TPTE2: variants seen among roughly 807,000 people sequenced by gnomAD.
TPTE2 encodes phosphatidylinositol 3,4,5-trisphosphate 3-phosphatase TPTE2.
Under a neutral mutation model 78.6 loss-of-function variants are expected in TPTE2, and 53 were observed. The observed-to-expected ratio is 0.67, with a 90% CI of 0.54 to 0.85. The LOEUF is 0.85. TPTE2 is among the 40% of genes least tolerant of loss of function. The probability of loss-of-function intolerance (pLI) is 0.00; values close to 1 mark genes in which losing one functional copy is unlikely to be tolerated. For synonymous variants in TPTE2, 175 were observed against 206.2 expected (o/e 0.85, Z 1.30); for missense variants, 461 against 623.0 (o/e 0.74, Z 2.77).
chr13:19,442,893 A>G (rs1877584772), intron 13 of TPTE2, among the ~76,000 whole-genome samples: 1 of 152,194 alleles, frequency 6.6e-6, no homozygotes, highest in South Asian at 2.1e-4. Context: ...GAATTGAGCC[A>G]TAATTTAAAG....
At position 19,451,164 on chromosome 13, in the gene TPTE2, C is replaced by G. The variant is rs757132914; in HGVS notation, c.802+1G>C. 2.5e-6 allele frequency: 4 copies of G among 1,613,324 alleles called. No homozygotes were observed. The highest frequency in any genetic ancestry group is 4.5e-5 in the East Asian group (2 of 44,838). On this transcript the variant is annotated splice_donor_variant, in intron 11 of 19. Coordinates refer to ENST00000400230, the Ensembl canonical transcript of TPTE2. LOFTEE classifies it high-confidence loss of function. ...AGCAAAATATAGAGTAATGTACATA[C>G]TGCATAGATTGTAGACTCGATAGTG...
chr13:19,527,537 A>G (rs1310186491), intron 1 of TPTE2, among the ~76,000 whole-genome samples: 2 of 152,224 alleles, frequency 1.3e-5, no homozygotes, highest in African/African-American at 4.8e-5. Flanking sequence ...TGCAAGTTGG[A>G]TAAACCTTGA....
intron 4 of TPTE2, among the ~76,000 whole-genome samples, chr13:19,477,733 G>A (rs1234565070): frequency 6.6e-6 from 1 of 152,170 alleles, no homozygotes; most frequent in Non-Finnish European, 1.5e-5. Flanking sequence ...ATCTGTTTCA[G>A]TGTTCCCTGA....
At chr13:19,465,750 GTTTGTGTC>G (rs1241476053) in intron 7 of TPTE2, among the ~76,000 whole-genome samples, 186 bp from the exon 11 acceptor site, 1 of 152,130 alleles carries the variant, frequency 6.6e-6, no homozygotes, top group East Asian at 1.9e-4. Context: ...GTGCATGTGT[GTTTGTGTC>G]TGTGTGTTAC....
exon 6 of TPTE2, chr13:19,473,999 A>G: frequency 6.2e-6 from 10 of 1,610,098 alleles, no homozygotes; most frequent in African/African-American, 1.3e-5. Context: ...AAAGGAATAT[A>G]AAGTTTGCTG....
In TPTE2 at chr13:19,462,150, T is replaced by C. The variant is rs150931660; in HGVS notation, c.741+2306A>G. Among the ~76,000 whole-genome samples the C allele has an allele frequency of 2.1e-3, 323 of 152,258 alleles. 3 individuals are homozygous for C. The highest frequency in any genetic ancestry group is 0.016 in the South Asian group (75 of 4,822). ...GGTCATTTTCTGTAGCAACAAAGTT[T>C]GATTCCTTTCTCTTTCTCAGGTGTA... On this transcript the variant is annotated intron_variant, in intron 10 of 19. Transcript: ENST00000400230.
the TPTE2 span, among the ~76,000 whole-genome samples, chr13:19,552,165 T>C: frequency 3.9e-5 from 6 of 152,228 alleles, no homozygotes; most frequent in Non-Finnish European, 8.8e-5. Context: ...AATGGTTTTA[T>C]GACTAAAGGA....
chr13:19,537,119 C>T (rs184475778), upstream of TPTE2, among the ~76,000 whole-genome samples: 162 of 151,860 alleles, frequency 1.1e-3, no homozygotes, highest in African/African-American at 3.7e-3. Flanking sequence ...TTTTAATTTG[C>T]ATTTCCCTGA....
intron 13 of TPTE2, among the ~76,000 whole-genome samples, chr13:19,445,867 G>A (rs1250458617): frequency 1.3e-5 from 2 of 152,234 alleles, no homozygotes; most frequent in Non-Finnish European, 1.5e-5. Flanking sequence ...CTTGAACGCA[G>A]GAGGCGGAGG....
At chr13:19,437,038 G>GACACAC (rs376691875) in intron 14 of TPTE2, among the ~76,000 whole-genome samples, 22,753 of 145,840 alleles carry the variant, frequency 0.16, 1,970 homozygotes, top group Middle Eastern at 0.24. Flanking sequence ...AAACCTAGGA[G>GACACAC]ACACACACAC....
intron 1 of TPTE2, among the ~76,000 whole-genome samples, chr13:19,493,898 C>A (rs1040657694): frequency 5.1e-4 from 77 of 152,300 alleles, no homozygotes; most frequent in Non-Finnish European, 3.4e-4. Context: ...GGTGGTTTCT[C>A]ATGCCCCACA....
rs1880653224 is a variant in TPTE2 at position 19,486,216 on chromosome 13, C to A, written c.120-3669G>T. The stretch of plus-strand genomic sequence containing the variant: ...TCGGATGTCAGTTCATTGGGGTATA[C>A]TGGCCTTGGTTCTACATGGATGCAG... On this transcript the variant is annotated intron_variant, in intron 3 of 19. Coordinates refer to ENST00000400230, the Ensembl canonical transcript of TPTE2. The surrounding 1 kb of genome is among the most constrained non-coding windows in gnomAD (Gnocchi z 4.3). Among the ~76,000 whole-genome samples, 1 of 152,022 alleles carries A rather than the reference C, an allele frequency of 6.6e-6. No individual in the cohort carries two copies. The highest frequency in any genetic ancestry group is 1.5e-5 in the Non-Finnish European group (1 of 68,002).
chr13:19,507,304 T>TA (rs370011146), upstream of TPTE2, among the ~76,000 whole-genome samples: 63,399 of 112,040 alleles, frequency 0.57, 20,157 homozygotes, highest in East Asian at 0.77. Flanking sequence ...CTAGCTGTTC[T>TA]AAAAAAAAAA....
At chr13:19,497,147 C>G (rs1247185436) in intron 1 of TPTE2, among the ~76,000 whole-genome samples, 2 of 151,914 alleles carry the variant, frequency 1.3e-5, no homozygotes. Context: ...TTGGAGGGTC[C>G]TACGCCCACG....
At chr13:19,556,994 A>G in the TPTE2 span, among the ~76,000 whole-genome samples, 1 of 152,236 alleles carries the variant, frequency 6.6e-6, no homozygotes, top group African/African-American at 2.4e-5. Flanking sequence ...AAACACTACA[A>G]GTCCGTTAAA....
At chr13:19,430,902 G>C (rs1876537615) in intron 16 of TPTE2, among the ~76,000 whole-genome samples, 1 of 152,074 alleles carries the variant, frequency 6.6e-6, no homozygotes, top group Non-Finnish European at 1.5e-5. Flanking sequence ...CGAGGTGGGT[G>C]GATTACTTGA....
At chr13:19,439,873 G>T (rs1436054509) in intron 13 of TPTE2, among the ~76,000 whole-genome samples, 2 of 152,086 alleles carry the variant, frequency 1.3e-5, no homozygotes, top group Non-Finnish European at 2.9e-5. Context: ...CTTGAAGACT[G>T]GTCTTTTGAA....
At chr13:19,437,966 G>A (rs1682996497) in intron 14 of TPTE2, 126 bp downstream of exon 17, 6 of 1,361,350 alleles carry the variant, frequency 4.4e-6, no homozygotes, top group Non-Finnish European at 4.9e-6. Flanking sequence ...TCTAAAAACT[G>A]CTTCTCTAAT....
rs569612886 is a variant in TPTE2 at position 19,457,635 on chromosome 13, T to C, written c.742-6410A>G. 2.0e-4 allele frequency among the ~76,000 whole-genome samples: 31 copies of C among 152,272 alleles called. No individual in the cohort carries two copies. In the South Asian group the frequency reaches 5.2e-3, roughly 25 times the overall value. On this transcript the variant is annotated intron_variant, in intron 10 of 19. Coordinates refer to ENST00000400230, the Ensembl canonical transcript of TPTE2. Reference sequence around the variant, plus strand: ...AGAACATGCGATGTTTGGTTTTCTGTCCCTGTGTTAGTTTGCTGAGGATAT... The same window carrying C: ...AGAACATGCGATGTTTGGTTTTCTGCCCCTGTGTTAGTTTGCTGAGGATAT...
Sources: allele counts gnomAD v4.1 joint callset (sites outside exome capture counted in the v4.1 genomes callset), GRCh38; gene constraint gnomAD v4.1.1; non-coding constraint Gnocchi (gnomAD v3.1); transcripts MANE v1.5; gene names NCBI Gene and HGNC (gene_info 2026-07-23, HGNC 2026-07-21).